The following MLXIPL variants were observed in gnomAD, a reference collection of about 807,000 sequenced individuals.
MLXIPL encodes the protein MLX interacting protein like, also known as carbohydrate-responsive element-binding protein.
A neutral mutation model predicts 81.5 loss-of-function variants in MLXIPL; 49 were observed. The observed-to-expected ratio is 0.60, with a 90% CI of 0.48 to 0.76. The LOEUF is 0.76. Ranked by LOEUF, MLXIPL falls within the 30% of genes least tolerant of loss-of-function variation. The probability of loss-of-function intolerance (pLI) is 0.00; values close to 1 mark genes in which losing one functional copy is unlikely to be tolerated. For synonymous variants in MLXIPL, 466 were observed against 485.5 expected (o/e 0.96, Z 0.53); for missense variants, 1,053 against 1,167.0 (o/e 0.90, Z 1.42).
intron 1 of MLXIPL, among the ~76,000 whole-genome samples, chr7:73,621,074 A>AATAT (rs1796317199): frequency 1.3e-5 from 2 of 151,550 alleles, no homozygotes; most frequent in Admixed American, 1.3e-4. Flanking sequence ...TAAATAAATA[A>AATAT]ATAAATAAAT....
Position 73,615,404 on chromosome 7 carries a change from T to C in MLXIPL, c.400+667A>G, listed in dbSNP as rs147048266. ...GCCCCGCTAGTGTCTAATGGCCCTTTTTACCCTCGCATTCAAGGCACCCAA... is the reference window on the plus strand; with the variant it reads ...GCCCCGCTAGTGTCTAATGGCCCTTCTTACCCTCGCATTCAAGGCACCCAA... On this transcript the variant is annotated intron_variant, in intron 2 of 16. Coordinates refer to ENST00000313375, the MANE Select transcript of MLXIPL (RefSeq NM_032951.3). Among the ~76,000 whole-genome samples, 16 of 152,240 alleles carry C rather than the reference T, an allele frequency of 1.1e-4. 1 individual carries two copies. In the East Asian group the frequency reaches 3.1e-3, roughly 29 times the overall value.
At chr7:73,601,389 C>G (rs1794812751) in intron 7 of MLXIPL, among the ~76,000 whole-genome samples, 1 of 151,802 alleles carries the variant, frequency 6.6e-6, no homozygotes, top group African/African-American at 2.4e-5. Flanking sequence ...AACAGGAACC[C>G]CAGGAAGCAG....
the MLXIPL span, among the ~76,000 whole-genome samples, chr7:73,630,897 C>T: frequency 6.6e-6 from 1 of 152,212 alleles, no homozygotes; most frequent in Non-Finnish European, 1.5e-5. Flanking sequence ...TGCACCAAAA[C>T]ACAAGACTAT....
chr7:73,633,424 A>G, the MLXIPL span, among the ~76,000 whole-genome samples: 1 of 150,278 alleles, frequency 6.7e-6, no homozygotes, highest in South Asian at 2.1e-4. Flanking sequence ...ATCTCACTGC[A>G]GCCTTGACCT....
chr7:73,624,709 C>G (rs564034983), upstream of MLXIPL: 2 of 594,882 alleles, frequency 3.4e-6, no homozygotes, highest in Non-Finnish European at 2.1e-6. Context: ...TCTCCCTTCC[C>G]GTCTTTCCTT....
chr7:73,595,003 G>C (rs999942499), intron 15 of MLXIPL, among the ~76,000 whole-genome samples: 8 of 151,940 alleles, frequency 5.3e-5, no homozygotes, highest in Non-Finnish European at 7.4e-5. Flanking sequence ...ATGCCACCAC[G>C]CTTGGCTAAT....
chr7:73,636,054 T>C, the MLXIPL span, among the ~76,000 whole-genome samples: 2 of 152,110 alleles, frequency 1.3e-5, no homozygotes, highest in Admixed American at 6.6e-5. Flanking sequence ...GCGGCCGGAC[T>C]TGCAGCCCAG....
chr7:73,602,109 TG>T (rs1554596482), intron 7 of MLXIPL, among the ~76,000 whole-genome samples: 6 of 140,144 alleles, frequency 4.3e-5, no homozygotes, highest in Admixed American at 7.3e-5. Flanking sequence ...CCTGCCTGCC[TG>T]CCTGCCTGCC....
chr7:73,624,101 GGGT>G (rs372546655), intron 1 of MLXIPL, 96 bp downstream of exon 1: 2 of 1,420,214 alleles, frequency 1.4e-6, no homozygotes, highest in East Asian at 2.6e-5. Flanking sequence ...GACCGGGCTC[GGGT>G]GGGGTGTTGA....
the MLXIPL span, among the ~76,000 whole-genome samples, chr7:73,639,997 G>C: frequency 6.6e-6 from 1 of 152,096 alleles, no homozygotes; most frequent in African/African-American, 2.4e-5. Flanking sequence ...CCCAGGCAGA[G>C]CTTGCAGTGA....
intron 7 of MLXIPL, among the ~76,000 whole-genome samples, chr7:73,602,066 G>C (rs1324829212): frequency 2.7e-5 from 4 of 148,606 alleles, no homozygotes; most frequent in African/African-American, 9.9e-5. Flanking sequence ...TCTTCTTGCT[G>C]TCCACCTGCC....
At position 73,624,288 on chromosome 7, in the gene MLXIPL, C is replaced by T. The variant is rs913218963; in HGVS notation, c.205G>A (p.Glu69Lys). Reference sequence around the variant, plus strand: ...AAGTCGGAGGGCCCCACGGACCCCTCCTGGTCGCGCCGCCGGGGCAGCGAG... The same window carrying T: ...AAGTCGGAGGGCCCCACGGACCCCTTCTGGTCGCGCCGCCGGGGCAGCGAG... The part of the protein sequence containing the change: ...SDSLPRRRDQ[E>K]GSVGPSDFGP... The change falls in exon 1 of 17, where the codon GAG becomes AAG. Residue 69 changes from glutamate (E) to lysine (K), a missense_variant. Transcript: ENST00000313375. 1.0e-5 allele frequency: 16 copies of T among 1,586,478 alleles called. No homozygotes were observed. The highest frequency in any genetic ancestry group is 9.4e-5 in the African/African-American group (7 of 74,470).
the MLXIPL span, among the ~76,000 whole-genome samples, chr7:73,637,872 T>G: frequency 5.9e-5 from 9 of 152,216 alleles, no homozygotes; most frequent in Non-Finnish European, 7.3e-5. Flanking sequence ...CTAAGGGCAC[T>G]GATGGAGGTC....
intron 2 of MLXIPL, among the ~76,000 whole-genome samples, 194 bp downstream of exon 2, chr7:73,615,877 C>T (rs928675345): frequency 2.7e-5 from 4 of 146,974 alleles, no homozygotes; most frequent in Non-Finnish European, 5.9e-5. Flanking sequence ...GGCACCACTG[C>T]ACTCCAGCTT....
chr7:73,609,863 A>G (rs1305726456), intron 2 of MLXIPL: 1 of 152,014 alleles, frequency 6.6e-6, no homozygotes, highest in Non-Finnish European at 1.5e-5. Context: ...AAAAAAATTC[A>G]ACATGGTTTC....
chr7:73,603,566 C>A (rs1289517387), intron 7 of MLXIPL, among the ~76,000 whole-genome samples: 5 of 152,326 alleles, frequency 3.3e-5, no homozygotes, highest in African/African-American at 1.2e-4. Context: ...TAGGCCTCCA[C>A]CTCTTGATTG....
upstream of MLXIPL, among the ~76,000 whole-genome samples, chr7:73,626,469 AT>A (rs35194433): frequency 0.17 from 24,470 of 147,768 alleles, 2,017 homozygotes; most frequent in Non-Finnish European, 0.2. Context: ...AACCTGGCTA[AT>A]TTTTTTTTTT....
At chr7:73,633,076 C>T in the MLXIPL span, among the ~76,000 whole-genome samples, 6 of 141,206 alleles carry the variant, frequency 4.2e-5, no homozygotes, top group African/African-American at 1.6e-4. Context: ...CCACCCCACC[C>T]TACCTTTTTT....
the MLXIPL span, among the ~76,000 whole-genome samples, chr7:73,630,839 C>CTTCTAGTAGGTTCTA: frequency 6.6e-6 from 1 of 152,200 alleles, no homozygotes. Context: ...CATCTACTAG[C>CTTCTAGTAGGTTCTA]ATTGAGCATC....
Sources: gnomAD v4.1 joint callset for allele counts (sites outside exome capture counted in the v4.1 genomes callset) on GRCh38, gnomAD v4.1.1 for gene constraint, MANE v1.5 for transcripts, NCBI Gene and HGNC (gene_info 2026-07-23, HGNC 2026-07-21) for gene names.